Variants in POC5 observed in about 807,000 individuals in gnomAD.
POC5 encodes the protein POC5 centriolar protein.
Under a neutral mutation model 62.9 loss-of-function variants are expected in POC5, and 48 were observed. The ratio of observed to expected loss-of-function variants is 0.76; its 90% CI spans 0.61 to 0.97. The LOEUF is 0.97. POC5 is among the 50% of genes least tolerant of loss of function. The pLI is 0.00. For missense variants in POC5, 696 were observed against 679.5 expected (o/e 1.02, Z -0.27); for synonymous variants, 236 against 228.2 (o/e 1.03, Z -0.31).
chr5:75,701,611 C>G (rs1238553070), intron 5 of POC5, among the ~76,000 whole-genome samples: 1 of 147,710 alleles, frequency 6.8e-6, no homozygotes, highest in Non-Finnish European at 1.5e-5. Flanking sequence ...GGGAGATATA[C>G]CTAATGCTAG....
intron 5 of POC5, among the ~76,000 whole-genome samples, chr5:75,699,347 G>T (rs1229519390): frequency 6.6e-6 from 1 of 151,948 alleles, no homozygotes; most frequent in Non-Finnish European, 1.5e-5. Flanking sequence ...GAATCCAGCA[G>T]CACATCAAAA....
At chr5:75,690,643 G>GT (rs1413544627) in intron 7 of POC5, 81 bp from the exon 8 acceptor site, 3 of 1,128,784 alleles carry the variant, frequency 2.7e-6, no homozygotes, top group African/African-American at 3.1e-5. Context: ...TAACATGGTG[G>GT]TAAGTGTACA....
intron 5 of POC5, among the ~76,000 whole-genome samples, chr5:75,696,305 A>G (rs1299300466): frequency 6.6e-6 from 1 of 152,180 alleles, no homozygotes; most frequent in African/African-American, 2.4e-5. Flanking sequence ...GCAGACTTAA[A>G]TGTCCCTGTC....
chr5:75,682,827 C>G (rs1775923135), intron 10 of POC5, among the ~76,000 whole-genome samples: 1 of 152,128 alleles, frequency 6.6e-6, no homozygotes. Flanking sequence ...TGTCTTATTT[C>G]TAAGTCACAG....
At position 75,702,664 on chromosome 5, in the gene POC5, A is replaced by G. The variant is rs1349186215; in HGVS notation, c.454T>C (p.Ser152Pro). 3 of 1,612,924 alleles carry G rather than the reference A, an allele frequency of 1.9e-6. No homozygotes were observed. The Admixed American group carries it at 5.0e-5, about 27-fold the overall frequency. ...HEILVSDFLVSDENLQKMENV... is the reference protein window; with the variant it reads ...HEILVSDFLVPDENLQKMENV... ...TCCATCTTCTGAAGGTTTTCATCAG[A>G]AACAAGAAAATCGCTCACAAGTATT... Residue 152 changes from serine to proline, a missense_variant, in exon 5 of 12, where the codon TCT becomes CCT. By Grantham distance (74) the Ser-to-Pro change is moderately conservative. Transcript: ENST00000428202.
At chr5:75,712,259 T>C in intron 2 of POC5, 1 of 1,255,698 alleles carries the variant, frequency 8.0e-7, no homozygotes, top group Non-Finnish European at 1.1e-6. Flanking sequence ...GTCATTATTC[T>C]CATATTTAAA....
At chr5:75,714,576 T>A (rs1353426032) in intron 1 of POC5, among the ~76,000 whole-genome samples, 1 of 151,596 alleles carries the variant, frequency 6.6e-6, no homozygotes, top group Non-Finnish European at 1.5e-5. Flanking sequence ...GATCAAGGGG[T>A]TAAAAAGAAC....
chr5:75,701,670 T>C (rs1215631779), intron 5 of POC5, among the ~76,000 whole-genome samples: 2 of 151,162 alleles, frequency 1.3e-5, no homozygotes, highest in African/African-American at 2.4e-5. Flanking sequence ...TGTATACATA[T>C]GTAACTAACC....
chr5:75,687,037 AT>A (rs34405390), intron 9 of POC5, among the ~76,000 whole-genome samples: 18 of 146,368 alleles, frequency 1.2e-4, no homozygotes, highest in South Asian at 4.4e-4. Flanking sequence ...ATAAAAAACA[AT>A]TTTTTTTTTT....
intron 11 of POC5, 104 bp from the exon 12 acceptor site, chr5:75,674,682 G>C (rs755791032): frequency 7.2e-6 from 10 of 1,397,534 alleles, no homozygotes; most frequent in Non-Finnish European, 9.8e-6. Flanking sequence ...CATTTGTTAA[G>C]ATCCAGTAGA....
chr5:75,713,984 T>TA (rs1466528895), intron 1 of POC5, among the ~76,000 whole-genome samples: 1 of 152,238 alleles, frequency 6.6e-6, no homozygotes, highest in East Asian at 1.9e-4. Context: ...CTTGTCATAT[T>TA]AAAAATCTGG....
At chr5:75,676,967 TATCTC>T (rs1187988332) in intron 11 of POC5, among the ~76,000 whole-genome samples, 2 of 152,194 alleles carry the variant, frequency 1.3e-5, no homozygotes, top group Non-Finnish European at 2.9e-5. Flanking sequence ...AATTCAGAGA[TATCTC>T]ATGTATCTTT....
intron 5 of POC5, among the ~76,000 whole-genome samples, chr5:75,697,776 T>C (rs1033683098): frequency 2.4e-4 from 37 of 151,634 alleles, no homozygotes; most frequent in African/African-American, 7.0e-4. Flanking sequence ...GACTGGCAAA[T>C]TGGATAAAGA....
Position 75,702,744 on chromosome 5 carries a change from A to G in POC5, c.374T>C (p.Leu125Pro). ...HPVMDFFSSH[L>P]LADSSSPATN... ...TGCTGGTGAGGAAGAGTCAGCTAAA[A>G]GATGTGAACTGAAAAAATCCATGAC... is the stretch of plus-strand genomic sequence containing the variant. The change falls in exon 5 of 12, where the codon CTT becomes CCT. Residue 125 changes from leucine (L) to proline (P), a missense_variant. Physicochemically the swap from Leu to Pro is moderately conservative, Grantham distance 98. Transcript: ENST00000428202. 1 of 1,602,394 alleles carries G rather than the reference A, an allele frequency of 6.2e-7. No homozygotes were observed. Among genetic ancestry groups the G allele is most frequent in the Non-Finnish European group, 8.5e-7 (1 of 1,173,918 alleles).
rs1775567175 is a variant in POC5, at chr5:75,674,217, A to G, written c.*218T>C. 2.8e-6 allele frequency: 1 copy of G among 356,732 alleles called. No individual in the cohort carries two copies. Among genetic ancestry groups the G allele is most frequent in the African/African-American group, 2.1e-5 (1 of 47,638 alleles). 22.1% of individuals were successfully genotyped at this position (356,732 alleles called of 1,614,324 possible). Reference sequence around the variant, plus strand: ...GTCCAGTTTCTTTTTTAATTTAAAAAAGTTTTACTTAATTGCTTAAATAAA... The same window carrying G: ...GTCCAGTTTCTTTTTTAATTTAAAAGAGTTTTACTTAATTGCTTAAATAAA... On this transcript the variant is annotated 3_prime_UTR_variant, in exon 12 of 12. Transcript: ENST00000428202.
intron 1 of POC5, among the ~76,000 whole-genome samples, chr5:75,715,224 G>A (rs546321629): frequency 9.9e-5 from 15 of 151,026 alleles, no homozygotes; most frequent in Non-Finnish European, 1.5e-4. Flanking sequence ...GCAGGAGAAT[G>A]GCGTGAACCC....
rs1776461055 is a variant in POC5 at position 75,694,184 on chromosome 5, AAGAG to A, written c.690+467_690+470del. Among the ~76,000 whole-genome samples the A allele has an allele frequency of 1.3e-5, 2 of 152,206 alleles. 1 individual carries two copies. Among genetic ancestry groups the A allele is most frequent in the Admixed American group, 1.3e-4 (2 of 15,282 alleles). ...CAACATAGCAAGACCCTGTTTCAAA[AAGAG>A]AGAGATTAAAAAAAGAATGTGAGAT... On this transcript the variant is annotated intron_variant, in intron 6 of 11. Transcript: ENST00000428202.
Position 75,692,504 on chromosome 5 carries a change from T to TTTTTTGCAGCTCCTTC in POC5, c.691-5_691-4insGAAGGAGCTGCAAAAA. ...CATGAGACAAGCTAGAAATCACCTG[T>TTTTTTGCAGCTCCTTC]AAACAGCAATTAACCCAATTATTGT... On this transcript the variant is annotated splice_region_variant and splice_polypyrimidine_tract_variant and intron_variant, in intron 6 of 11. Transcript: ENST00000428202. The TTTTTTGCAGCTCCTTC allele has an allele frequency of 6.4e-7, 1 of 1,572,728 alleles. No homozygotes were observed. The highest frequency in any genetic ancestry group is 1.2e-5 in the South Asian group (1 of 85,672).
intron 1 of POC5, among the ~76,000 whole-genome samples, chr5:75,716,305 A>G (rs1386193653): frequency 7.2e-6 from 1 of 139,452 alleles, no homozygotes; most frequent in Non-Finnish European, 1.5e-5. Flanking sequence ...CTTCAAATCT[A>G]CCACTGTGAT....
Sources: gnomAD v4.1 joint callset for allele counts (sites outside exome capture counted in the v4.1 genomes callset) on GRCh38, gnomAD v4.1.1 for gene constraint, MANE v1.5 for transcripts, NCBI Gene and HGNC (gene_info 2026-07-23, HGNC 2026-07-21) for gene names.